Variants in INPP5A observed in about 807,000 individuals in gnomAD.
INPP5A encodes inositol polyphosphate-5-phosphatase A.
INPP5A carries 14 observed loss-of-function variants against 65.2 expected under a neutral mutation model. The ratio of observed to expected loss-of-function variants is 0.21; its 90% CI spans 0.14 to 0.34. The LOEUF is 0.34. INPP5A is among the 10% of genes least tolerant of loss of function. INPP5A has a pLI of 1.00. For synonymous variants in INPP5A, 207 were observed against 208.3 expected, an observed-to-expected ratio of 0.99 and a Z score of 0.05; for missense variants, 431 against 545.6, an observed-to-expected ratio of 0.79 and a Z score of 2.09.
chr10:132,773,078 C>T (rs555428477), intron 12 of INPP5A, among the ~76,000 whole-genome samples: 57 of 152,388 alleles, frequency 3.7e-4, no homozygotes, highest in African/African-American at 1.1e-3. Context: ...CCGCCCTCCC[C>T]GGTGGAGGCC....
At chr10:132,749,647 G>A (rs181742238) in intron 10 of INPP5A, 35 bp downstream of exon 10, 23 of 1,606,002 alleles carry the variant, frequency 1.4e-5, no homozygotes, top group Admixed American at 3.3e-5. Flanking sequence ...GGTGACGCAC[G>A]GGGCCTGCGC....
At chr10:132,763,511 A>G (rs909542925) in intron 11 of INPP5A, among the ~76,000 whole-genome samples, 3 of 152,170 alleles carry the variant, frequency 2.0e-5, no homozygotes, top group East Asian at 3.8e-4. Context: ...ACATGCCTGC[A>G]TACACATAAA....
intron 1 of INPP5A, among the ~76,000 whole-genome samples, chr10:132,596,277 C>G (rs2071686448): frequency 6.6e-6 from 1 of 152,126 alleles, no homozygotes; most frequent in Non-Finnish European, 1.5e-5. Flanking sequence ...CCAGTTTGGG[C>G]AGGATGAATG....
intron 5 of INPP5A, among the ~76,000 whole-genome samples, chr10:132,691,434 C>T (rs1335824872): frequency 6.6e-6 from 1 of 152,222 alleles, no homozygotes; most frequent in Non-Finnish European, 1.5e-5. Flanking sequence ...AGGCACGGAG[C>T]GGCCGGCGAG....
chr10:132,673,867 A>G (rs1001371927), intron 4 of INPP5A, among the ~76,000 whole-genome samples: 1 of 152,244 alleles, frequency 6.6e-6, no homozygotes, highest in African/African-American at 2.4e-5. Flanking sequence ...ATGGTGCCAT[A>G]TCAAGGACTC....
rs2070992775 is a variant in INPP5A at position 132,547,470 on chromosome 10, G to A, written c.75+9299G>A. Among the ~76,000 whole-genome samples, 2 of 152,174 alleles carry A rather than the reference G, an allele frequency of 1.3e-5. No individual in the cohort carries two copies. The highest frequency in any genetic ancestry group is 4.1e-4 in the South Asian group (2 of 4,830). ...GCCTAGGTGGTGTGAGGTTCTGTGAGCCCGGGCCCAGCTGCCGTGGTGAAT... is the reference window on the plus strand; with the variant it reads ...GCCTAGGTGGTGTGAGGTTCTGTGAACCCGGGCCCAGCTGCCGTGGTGAAT... On this transcript the variant is annotated intron_variant, in intron 1 of 15. Transcript: ENST00000368594. This position sits in a 1 kb window ranked among gnomAD's most constrained non-coding sequence, Gnocchi z 5.5.
In INPP5A at chr10:132,755,986, C is replaced by G. The variant is rs373940960; in HGVS notation, c.903+6141C>G. ...ATGTCCAGGCACACCTGTGCACACA[C>G]CAAACAGTGTGGAGTCGCCTCTGCC... On this transcript the variant is annotated intron_variant, in intron 11 of 15. Transcript: ENST00000368594. Among the ~76,000 whole-genome samples, 20 of 152,346 alleles carry G rather than the reference C, an allele frequency of 1.3e-4. 1 individual carries two copies. The highest frequency in any genetic ancestry group is 6.8e-3 in the Middle Eastern group (2 of 294).
chr10:132,624,946 C>T (rs760796839), intron 2 of INPP5A, among the ~76,000 whole-genome samples: 8 of 152,254 alleles, frequency 5.3e-5, no homozygotes, highest in African/African-American at 9.6e-5. Flanking sequence ...GGTGCTGCCC[C>T]GCCACCCTCA....
At chr10:132,776,798 C>G (rs1348446080) in intron 12 of INPP5A, among the ~76,000 whole-genome samples, 5 of 152,102 alleles carry the variant, frequency 3.3e-5, no homozygotes, top group Admixed American at 2.0e-4. Context: ...GGGGGCTGTG[C>G]TTGCGTGTTC....
rs1431197181 is a variant in INPP5A, at chr10:132,545,354, A to G, written c.75+7183A>G. Among the ~76,000 whole-genome samples, 1 of 151,996 alleles carries G rather than the reference A, an allele frequency of 6.6e-6. No homozygotes were observed. The highest frequency in any genetic ancestry group is 1.9e-4 in the East Asian group (1 of 5,168). ...GGGGCATTCGGAAGACTTTGACCAG[A>G]TCGGGGCGGCTGAGGGGGCTGCCTA... On this transcript the variant is annotated intron_variant, in intron 1 of 15. Coordinates refer to ENST00000368594, the MANE Select transcript of INPP5A (RefSeq NM_005539.5). This position sits in a 1 kb window ranked among gnomAD's most constrained non-coding sequence, Gnocchi z 4.6.
intron 8 of INPP5A, among the ~76,000 whole-genome samples, chr10:132,719,318 G>A (rs1351865626): frequency 1.4e-5 from 2 of 148,112 alleles, no homozygotes; most frequent in East Asian, 2.0e-4. Context: ...CGCCTTAGGC[G>A]GCTGTCTTCA....
At chr10:132,619,898 A>G (rs1253721234) in intron 2 of INPP5A, among the ~76,000 whole-genome samples, 1 of 152,156 alleles carries the variant, frequency 6.6e-6, no homozygotes, top group Non-Finnish European at 1.5e-5. Flanking sequence ...ACCTCAAGTG[A>G]TTCACCCACC....
intron 4 of INPP5A, among the ~76,000 whole-genome samples, chr10:132,667,202 C>A (rs1444759429): frequency 6.6e-6 from 1 of 152,214 alleles, no homozygotes; most frequent in Non-Finnish European, 1.5e-5. Context: ...CCAGTATGAC[C>A]TGGATTGTCT....
rs1465836663 is a variant in INPP5A, at chr10:132,637,020, C to T, written c.118-8848C>T. 1.3e-5 allele frequency among the ~76,000 whole-genome samples: 2 copies of T among 152,126 alleles called. No homozygotes were observed. Among genetic ancestry groups the T allele is most frequent in the Admixed American group, 6.6e-5 (1 of 15,266 alleles). Reference sequence around the variant, plus strand: ...GAAACTTCCGCCTCCCGGGTTCAAGCGATTCTCCTGCCTCAGCCTCCCAAG... The same window carrying T: ...GAAACTTCCGCCTCCCGGGTTCAAGTGATTCTCCTGCCTCAGCCTCCCAAG... On this transcript the variant is annotated intron_variant, in intron 2 of 15. Coordinates refer to ENST00000368594, the MANE Select transcript of INPP5A (RefSeq NM_005539.5). This position sits in a 1 kb window ranked among gnomAD's most constrained non-coding sequence, Gnocchi z 4.1.
intron 4 of INPP5A, among the ~76,000 whole-genome samples, chr10:132,690,061 C>T (rs1308502264): frequency 6.6e-6 from 1 of 151,120 alleles, no homozygotes; most frequent in Non-Finnish European, 1.5e-5. Flanking sequence ...ATGCCCAGCC[C>T]GCGGGACCTG....
At chr10:132,759,468 T>C (rs1462056291) in intron 11 of INPP5A, among the ~76,000 whole-genome samples, 3 of 152,196 alleles carry the variant, frequency 2.0e-5, no homozygotes, top group Non-Finnish European at 4.4e-5. Context: ...AGCCTGGGAT[T>C]TCCGGCTTCC....
chr10:132,776,312 C>T (rs886864248), intron 12 of INPP5A, among the ~76,000 whole-genome samples: 3 of 152,184 alleles, frequency 2.0e-5, no homozygotes, highest in South Asian at 2.1e-4. Context: ...CCCGCTGGAG[C>T]GCGCGGAGGA....
intron 5 of INPP5A, among the ~76,000 whole-genome samples, chr10:132,693,715 A>G (rs1024418756): frequency 6.6e-6 from 1 of 152,214 alleles, no homozygotes; most frequent in African/African-American, 2.4e-5. Flanking sequence ...AATGACACAA[A>G]TTATTCATGT....
At chr10:132,604,077 C>T (rs959561435) in intron 1 of INPP5A, among the ~76,000 whole-genome samples, 1 of 147,600 alleles carries the variant, frequency 6.8e-6, no homozygotes, top group Non-Finnish European at 1.5e-5. Flanking sequence ...CCGTCAGGGT[C>T]CCCTCTCTGT....
Sources: gnomAD v4.1 joint callset for allele counts (sites outside exome capture counted in the v4.1 genomes callset) on GRCh38, gnomAD v4.1.1 for gene constraint, Gnocchi (gnomAD v3.1) non-coding constraint, MANE v1.5 for transcripts, NCBI Gene and HGNC (gene_info 2026-07-23, HGNC 2026-07-21) for gene names.